QTMAN: variants seen among roughly 807,000 people sequenced by gnomAD.
The protein encoded by QTMAN is tRNA-queuosine alpha-mannosyltransferase.
the QTMAN span, among the ~76,000 whole-genome samples, chr2:144,047,934 C>A: frequency 1.6e-4 from 24 of 152,294 alleles, no homozygotes; most frequent in Non-Finnish European, 3.4e-4. Flanking sequence ...AAGAAATTAC[C>A]AAATCATTCT....
chr2:144,222,509 T>TTTA, the QTMAN span, among the ~76,000 whole-genome samples: 1 of 151,910 alleles, frequency 6.6e-6, no homozygotes, highest in Admixed American at 6.6e-5. Flanking sequence ...AAGTGTCTTG[T>TTTA]ATTAAGAAAG....
chr2:144,105,619 G>A, the QTMAN span, among the ~76,000 whole-genome samples: 1 of 152,214 alleles, frequency 6.6e-6, no homozygotes, highest in South Asian at 2.1e-4. Flanking sequence ...AGACCAAATC[G>A]ACATCTGATT....
chr2:143,994,418 C>T, the QTMAN span, among the ~76,000 whole-genome samples: 1 of 152,120 alleles, frequency 6.6e-6, no homozygotes, highest in Non-Finnish European at 1.5e-5. Context: ...AAATATATGT[C>T]CACATAAAGA....
the QTMAN span, among the ~76,000 whole-genome samples, chr2:144,319,187 A>C: frequency 2.0e-5 from 3 of 152,182 alleles, no homozygotes; most frequent in Non-Finnish European, 4.4e-5. Flanking sequence ...TTTACTATTG[A>C]AGAGTCCACT....
chr2:143,977,452 G>T, the QTMAN span, among the ~76,000 whole-genome samples: 1 of 152,186 alleles, frequency 6.6e-6, no homozygotes, highest in Non-Finnish European at 1.5e-5. Flanking sequence ...CAGAGGCCAT[G>T]CACTATGCTT....
At chr2:143,975,241 C>T in the QTMAN span, among the ~76,000 whole-genome samples, 2 of 152,174 alleles carry the variant, frequency 1.3e-5, no homozygotes, top group African/African-American at 4.8e-5. Flanking sequence ...TCTTCTTATT[C>T]GTCACTTAAC....
chr2:143,985,963 A>G, the QTMAN span, among the ~76,000 whole-genome samples: 1 of 152,336 alleles, frequency 6.6e-6, no homozygotes, highest in East Asian at 1.9e-4. Context: ...TAAAGAAATT[A>G]GTAGTTTAAT....
chr2:144,305,347 G>C, the QTMAN span, among the ~76,000 whole-genome samples: 9 of 152,250 alleles, frequency 5.9e-5, no homozygotes, highest in South Asian at 2.1e-4. Context: ...AGCACCATCT[G>C]TTGAAAAGAC....
the QTMAN span, among the ~76,000 whole-genome samples, chr2:144,170,406 C>T: frequency 6.6e-6 from 1 of 152,222 alleles, no homozygotes; most frequent in South Asian, 2.1e-4. Flanking sequence ...ATGCTAGTTC[C>T]CCTTGGTCTC....
chr2:144,017,037 A>C, the QTMAN span, among the ~76,000 whole-genome samples: 1 of 151,464 alleles, frequency 6.6e-6, no homozygotes, highest in African/African-American at 2.4e-5. Flanking sequence ...ACAGAGTCTC[A>C]CTCTGTCGCC....
the QTMAN span, among the ~76,000 whole-genome samples, chr2:144,320,755 C>T: frequency 1.3e-5 from 2 of 152,178 alleles, no homozygotes; most frequent in African/African-American, 2.4e-5. Flanking sequence ...TTGAACTATG[C>T]CAGCTGATCA....
chr2:144,006,380 T>G, the QTMAN span: 1 of 152,206 alleles, frequency 6.6e-6, no homozygotes, highest in Non-Finnish European at 1.5e-5. Context: ...AAACGGTTGC[T>G]CTCAGAAAAT....
chr2:144,217,438 G>T, the QTMAN span, among the ~76,000 whole-genome samples: 2 of 151,508 alleles, frequency 1.3e-5, no homozygotes, highest in Non-Finnish European at 2.9e-5. Flanking sequence ...ATATTTAAAT[G>T]ATATATATAT....
At chr2:144,270,662 G>A in the QTMAN span, among the ~76,000 whole-genome samples, 1 of 151,606 alleles carries the variant, frequency 6.6e-6, no homozygotes, top group Non-Finnish European at 1.5e-5. Context: ...CGGGGGTGGG[G>A]GGGCAAGGGG....
At chr2:143,988,176 G>A in the QTMAN span, among the ~76,000 whole-genome samples, 1 of 152,190 alleles carries the variant, frequency 6.6e-6, no homozygotes, top group African/African-American at 2.4e-5. Context: ...ATGGAAACAG[G>A]AGAGGAACCA....
the QTMAN span, among the ~76,000 whole-genome samples, chr2:144,231,166 A>G: frequency 0.13 from 19,271 of 152,188 alleles, 1,507 homozygotes; most frequent in Non-Finnish European, 0.17. Context: ...TTTTGACACT[A>G]AAGTATGTAC....
the QTMAN span, among the ~76,000 whole-genome samples, chr2:144,288,020 A>G: frequency 1.3e-5 from 2 of 151,724 alleles, no homozygotes; most frequent in African/African-American, 2.4e-5. Context: ...ACACCCAGAT[A>G]ATTTTTGTAT....
the QTMAN span, among the ~76,000 whole-genome samples, chr2:144,010,648 T>C: frequency 8.2e-4 from 125 of 152,206 alleles, no homozygotes; most frequent in African/African-American, 2.9e-3. Context: ...TGATGTCATC[T>C]GGGGCACCTG....
chr2:144,316,647 T>C, the QTMAN span, among the ~76,000 whole-genome samples: 1 of 152,190 alleles, frequency 6.6e-6, no homozygotes, highest in South Asian at 2.1e-4. Flanking sequence ...CATTAGATGG[T>C]TGAGTTCTAG....
Sources: gnomAD v4.1 joint callset for allele counts (sites outside exome capture counted in the v4.1 genomes callset) on GRCh38, gnomAD v4.1.1 for gene constraint, MANE v1.5 for transcripts, NCBI Gene and HGNC (gene_info 2026-07-23, HGNC 2026-07-21) for gene names.